The following LOC400499 variants were observed in gnomAD, a reference collection of about 807,000 sequenced individuals.
chr16:11,409,221 T>C, the LOC400499 span, among the ~76,000 whole-genome samples: 3 of 151,810 alleles, frequency 2.0e-5, no homozygotes, highest in Admixed American at 1.3e-4. Context: ...AGATCACGCC[T>C]CTGCACTCCA....
At chr16:11,393,271 G>T in the LOC400499 span, 1 of 767,710 alleles carries the variant, frequency 1.3e-6, no homozygotes, top group Non-Finnish European at 1.8e-6. Flanking sequence ...TAGGATTACA[G>T]GTATGAGCCC....
At chr16:11,465,799 G>T in the LOC400499 span, among the ~76,000 whole-genome samples, 1 of 123,498 alleles carries the variant, frequency 8.1e-6, no homozygotes, top group Non-Finnish European at 1.6e-5. Context: ...GAGAGAGGGG[G>T]AAAGAGACTG....
chr16:11,467,215 A>G, the LOC400499 span: 12 of 151,622 alleles, frequency 7.9e-5, no homozygotes, highest in African/African-American at 2.9e-4. Context: ...GGCCTCCCCA[A>G]GTGTTGGGAT....
At chr16:11,430,925 G>A in the LOC400499 span, 2 of 397,716 alleles carry the variant, frequency 5.0e-6, no homozygotes, top group Non-Finnish European at 8.9e-6. Context: ...AGATATGCCA[G>A]TGTGAGATGC....
the LOC400499 span, among the ~76,000 whole-genome samples, chr16:11,400,561 C>A: frequency 6.6e-6 from 1 of 152,186 alleles, no homozygotes; most frequent in African/African-American, 2.4e-5. Context: ...CCGCCTCAGC[C>A]TCCCAAGCAG....
chr16:11,410,157 A>G, the LOC400499 span, among the ~76,000 whole-genome samples: 2 of 152,174 alleles, frequency 1.3e-5, no homozygotes, highest in African/African-American at 2.4e-5. Flanking sequence ...AAGACATTCT[A>G]AAAACAAAAA....
the LOC400499 span, among the ~76,000 whole-genome samples, chr16:11,374,282 G>A: frequency 2.4e-4 from 36 of 152,132 alleles, no homozygotes; most frequent in African/African-American, 7.7e-4. Flanking sequence ...GTTTATCATC[G>A]TATCACCATG....
chr16:11,455,642 C>T, the LOC400499 span, among the ~76,000 whole-genome samples: 7 of 149,930 alleles, frequency 4.7e-5, no homozygotes, highest in Non-Finnish European at 5.9e-5. Context: ...GGCTGAGGCA[C>T]GAGAAGAGCT....
the LOC400499 span, among the ~76,000 whole-genome samples, chr16:11,458,201 C>A: frequency 6.6e-6 from 1 of 152,168 alleles, no homozygotes; most frequent in Non-Finnish European, 1.5e-5. Context: ...CAAAAATTAG[C>A]CGGGCGTGGT....
chr16:11,479,915 C>G, the LOC400499 span, among the ~76,000 whole-genome samples: 1 of 152,034 alleles, frequency 6.6e-6, no homozygotes, highest in Admixed American at 6.6e-5. Context: ...GTTTTTTAGT[C>G]TTTGATTGTT....
the LOC400499 span, among the ~76,000 whole-genome samples, chr16:11,506,784 G>C: frequency 6.6e-6 from 1 of 152,166 alleles, no homozygotes; most frequent in Admixed American, 6.5e-5. Context: ...CTTGTCTCCT[G>C]CCCACCATCA....
the LOC400499 span, among the ~76,000 whole-genome samples, chr16:11,378,279 G>A: frequency 6.7e-6 from 1 of 149,218 alleles, no homozygotes; most frequent in African/African-American, 2.5e-5. Flanking sequence ...CGGGGGGAGG[G>A]GGGAGGTGGA....
chr16:11,384,763 G>C, the LOC400499 span: 1 of 848,554 alleles, frequency 1.2e-6, no homozygotes, highest in East Asian at 3.3e-5. Context: ...GCGCTGCCAT[G>C]CTAGAGACGA....
chr16:11,485,277 C>G, the LOC400499 span, among the ~76,000 whole-genome samples: 1 of 152,124 alleles, frequency 6.6e-6, no homozygotes, highest in African/African-American at 2.4e-5. Context: ...AGATGCCACA[C>G]GGTAAGAATT....
the LOC400499 span, among the ~76,000 whole-genome samples, chr16:11,383,176 C>CT: frequency 6.6e-6 from 1 of 152,060 alleles, no homozygotes; most frequent in Non-Finnish European, 1.5e-5. Flanking sequence ...CGCCATTCTC[C>CT]TGCCTCAGCC....
At chr16:11,415,649 C>G in the LOC400499 span, among the ~76,000 whole-genome samples, 2 of 152,176 alleles carry the variant, frequency 1.3e-5, no homozygotes, top group Non-Finnish European at 2.9e-5. Flanking sequence ...ACCCGGCTGT[C>G]AGAGATACCA....
At chr16:11,491,991 T>C in the LOC400499 span, 1 of 393,924 alleles carries the variant, frequency 2.5e-6, no homozygotes, top group African/African-American at 2.1e-5. Flanking sequence ...CGACACACAC[T>C]CACCTGTGGC....
At chr16:11,383,551 C>T in the LOC400499 span, 5 of 1,190,970 alleles carry the variant, frequency 4.2e-6, no homozygotes, top group Non-Finnish European at 5.3e-6. Flanking sequence ...ATTATTTGTC[C>T]TCCCTGGTGA....
At chr16:11,442,934 G>C in the LOC400499 span, among the ~76,000 whole-genome samples, 2 of 152,188 alleles carry the variant, frequency 1.3e-5, no homozygotes, top group South Asian at 2.1e-4. Flanking sequence ...ACGCAGCCTC[G>C]TTTAACTAAT....
Sources: gnomAD v4.1 joint callset for allele counts (sites outside exome capture counted in the v4.1 genomes callset) on GRCh38, gnomAD v4.1.1 for gene constraint, MANE v1.5 for transcripts.